Variants in GHR observed in about 807,000 individuals in gnomAD.
GHR encodes the protein GH receptor.
In GHR, 35 loss-of-function variants were observed where a neutral mutation model predicts 67.1. That is an observed-to-expected ratio of 0.52 (90% CI 0.40 to 0.69). The LOEUF (loss-of-function observed/expected upper bound fraction) is 0.69, where lower values mean the gene tolerates loss of function less well. GHR is among the 30% of genes least tolerant of loss of function. GHR has a pLI of 0.00. For missense variants in GHR, 792 were observed against 764.6 expected, an observed-to-expected ratio of 1.04 and a Z score of -0.42; for synonymous variants, 272 against 269.1, an observed-to-expected ratio of 1.01 and a Z score of -0.10.
chr5:42,424,758 G>A lies in GHR; in HGVS notation c.-12+803G>A, dbSNP rs887757494. Among the ~76,000 whole-genome samples, 4 of 152,236 alleles carry A rather than the reference G, an allele frequency of 2.6e-5. No individual in the cohort carries two copies. Among genetic ancestry groups the A allele is most frequent in the Admixed American group, 6.5e-5 (1 of 15,288 alleles). On this transcript the variant is annotated intron_variant, in intron 1 of 9. Coordinates refer to ENST00000230882, the MANE Select transcript of GHR (RefSeq NM_000163.5). This position sits in a 1 kb window ranked among gnomAD's most constrained non-coding sequence, Gnocchi z 4.1. ...GGGCGCTGGCGGCGCAGAGGGTGCG[G>A]GGCAGGGCACTTGCGAGTGCGTGGG...
intron 1 of GHR, among the ~76,000 whole-genome samples, chr5:42,472,285 T>C (rs758199531): frequency 1.3e-5 from 2 of 152,248 alleles, no homozygotes; most frequent in Non-Finnish European, 2.9e-5. Context: ...TCTGGTTTTA[T>C]ATGTAATTGG....
At chr5:42,504,966 C>G (rs1345112097) in intron 1 of GHR, among the ~76,000 whole-genome samples, 1 of 152,112 alleles carries the variant, frequency 6.6e-6, no homozygotes, top group African/African-American at 2.4e-5. Flanking sequence ...CTAAGAATTG[C>G]TCCAGATTTT....
intron 3 of GHR, among the ~76,000 whole-genome samples, chr5:42,684,814 C>T (rs1426480259): frequency 2.0e-5 from 3 of 152,176 alleles, no homozygotes. Flanking sequence ...CCAACCTGTG[C>T]TCCCAGGGCT....
intron 3 of GHR, among the ~76,000 whole-genome samples, chr5:42,656,053 A>G (rs535145418): frequency 4.1e-4 from 63 of 152,264 alleles, no homozygotes; most frequent in Non-Finnish European, 7.2e-4. Context: ...TTAAATCAGT[A>G]TAATCTATCC....
chr5:42,468,280 C>A (rs913620681), intron 1 of GHR: 8 of 1,570,580 alleles, frequency 5.1e-6, no homozygotes, highest in Non-Finnish European at 7.0e-6. Context: ...CTTCACTGGG[C>A]GGCATGGGCC....
At chr5:42,716,432 A>G (rs1459082846) in intron 8 of GHR, among the ~76,000 whole-genome samples, 1 of 152,198 alleles carries the variant, frequency 6.6e-6, no homozygotes, top group African/African-American at 2.4e-5. Context: ...TTCAAGCCAT[A>G]CAGTCTCTAT....
intron 2 of GHR, among the ~76,000 whole-genome samples, chr5:42,567,164 A>C (rs1217460657): frequency 6.6e-6 from 1 of 152,202 alleles, no homozygotes; most frequent in Non-Finnish European, 1.5e-5. Context: ...CTGCTGTTCC[A>C]AAGTCATGGT....
Position 42,437,529 on chromosome 5 carries a change from ATATTTATT to A in GHR, c.-12+13604_-12+13611del, listed in dbSNP as rs375521431. Among the ~76,000 whole-genome samples, 288 of 148,016 alleles carry A rather than the reference ATATTTATT, an allele frequency of 1.9e-3. 1 individual carries two copies. The highest frequency in any genetic ancestry group is 5.4e-3 in the African/African-American group (216 of 40,024). ...AACAGCCTCTCTTCTTATTATTTTT[ATATTTATT>A]TATTTATTTATTTATTTATTTATTT... On this transcript the variant is annotated intron_variant, in intron 1 of 9. Transcript: ENST00000230882.
intron 1 of GHR, among the ~76,000 whole-genome samples, chr5:42,526,075 T>C (rs1747694085): frequency 6.6e-6 from 1 of 152,064 alleles, no homozygotes; most frequent in Non-Finnish European, 1.5e-5. Context: ...TGAAAGCCAA[T>C]ATAGGCTAAA....
intron 1 of GHR, among the ~76,000 whole-genome samples, chr5:42,527,544 G>A (rs1747763172): frequency 6.6e-6 from 1 of 152,124 alleles, no homozygotes; most frequent in Admixed American, 6.5e-5. Context: ...CAACACAAGA[G>A]CACTGTATTC....
intron 1 of GHR, among the ~76,000 whole-genome samples, chr5:42,425,853 T>C (rs1445952947): frequency 6.6e-6 from 1 of 152,186 alleles, no homozygotes; most frequent in Non-Finnish European, 1.5e-5. Flanking sequence ...ACAGTGAAAT[T>C]ATAGTTATGG....
At chr5:42,532,953 A>G (rs1431815092) in intron 1 of GHR, among the ~76,000 whole-genome samples, 2 of 152,144 alleles carry the variant, frequency 1.3e-5, no homozygotes, top group African/African-American at 4.8e-5. Context: ...TCACATATAT[A>G]TCAGTGTACT....
chr5:42,483,567 T>C (rs1250254179), intron 1 of GHR, among the ~76,000 whole-genome samples: 3 of 152,144 alleles, frequency 2.0e-5, no homozygotes, highest in African/African-American at 7.2e-5. Flanking sequence ...TTGATAATTA[T>C]TATTGAGGAA....
chr5:42,600,612 G>A (rs1036476589), intron 2 of GHR, among the ~76,000 whole-genome samples: 1 of 152,158 alleles, frequency 6.6e-6, no homozygotes, highest in Non-Finnish European at 1.5e-5. Context: ...AACAGGATCT[G>A]GGCAGCACAC....
At chr5:42,700,160 T>C (rs1202334679) in intron 6 of GHR, among the ~76,000 whole-genome samples, 158 bp downstream of exon 6, 1 of 152,182 alleles carries the variant, frequency 6.6e-6, no homozygotes, top group East Asian at 1.9e-4. Context: ...CGGTAAAATA[T>C]TGTCTTGAAA....
chr5:42,572,382 T>C (rs1205325677), intron 2 of GHR, among the ~76,000 whole-genome samples: 9 of 152,204 alleles, frequency 5.9e-5, no homozygotes, highest in Non-Finnish European at 8.8e-5. Context: ...CTGGCAATAC[T>C]CACATGGATT....
intron 1 of GHR, among the ~76,000 whole-genome samples, chr5:42,502,486 C>G (rs1746579783): frequency 1.3e-5 from 2 of 152,072 alleles, no homozygotes; most frequent in Non-Finnish European, 2.9e-5. Context: ...TGGTAAATTT[C>G]CATTAATTTG....
intron 2 of GHR, among the ~76,000 whole-genome samples, chr5:42,628,739 GC>G (rs1753822748): frequency 7.6e-6 from 1 of 131,976 alleles, no homozygotes; most frequent in South Asian, 2.4e-4. Context: ...CCCTTGCCTT[GC>G]ATGGCCTAAG....
chr5:42,484,211 T>A (rs1026165019), intron 1 of GHR, among the ~76,000 whole-genome samples: 4 of 152,224 alleles, frequency 2.6e-5, no homozygotes, highest in Non-Finnish European at 1.5e-5. Flanking sequence ...ACATGTGACT[T>A]CTTACATATG....
Sources: allele counts gnomAD v4.1 joint callset (sites outside exome capture counted in the v4.1 genomes callset), GRCh38; gene constraint gnomAD v4.1.1; non-coding constraint Gnocchi (gnomAD v3.1); transcripts MANE v1.5; gene names NCBI Gene and HGNC (gene_info 2026-07-23, HGNC 2026-07-21).